ABR: variants seen among roughly 807,000 people sequenced by gnomAD.
The protein encoded by ABR is ABR activator of RhoGEF and GTPase.
A neutral mutation model predicts 107.2 loss-of-function variants in ABR; 35 were observed. The ratio of observed to expected loss-of-function variants is 0.33; its 90% CI spans 0.25 to 0.43. The LOEUF (loss-of-function observed/expected upper bound fraction) is 0.43. ABR is among the 20% of genes least tolerant of loss of function. The pLI is 1.00. For missense variants in ABR, 815 were observed against 1,115.2 expected (o/e 0.73, Z 3.83); for synonymous variants, 498 against 462.0 (o/e 1.08, Z -1.00).
chr17:1,126,094 C>A (rs1222724360), intron 1 of ABR, among the ~76,000 whole-genome samples: 1 of 152,194 alleles, frequency 6.6e-6, no homozygotes, highest in Non-Finnish European at 1.5e-5. Context: ...CCCCCCAGGG[C>A]TGCCAGCACC....
intron 1 of ABR, among the ~76,000 whole-genome samples, chr17:1,143,012 A>G (rs1381511016): frequency 1.2e-3 from 60 of 49,898 alleles, no homozygotes; most frequent in South Asian, 2.1e-3. Context: ...ATTCCTGGGG[A>G]CAGCTCGCTC....
intron 2 of ABR, among the ~76,000 whole-genome samples, chr17:1,101,494 C>A (rs371468582): frequency 2.0e-5 from 3 of 152,314 alleles, no homozygotes; most frequent in South Asian, 4.1e-4. Context: ...GCCTGTCCCA[C>A]ACACCAGAGC....
At chr17:1,159,605 A>G (rs1273014940) in intron 1 of ABR, among the ~76,000 whole-genome samples, 26 of 115,894 alleles carry the variant, frequency 2.2e-4, no homozygotes, top group African/African-American at 3.4e-4. Context: ...CACACACATG[A>G]GAAGTAAGAA....
chr17:1,146,558 C>G (rs1476165742), intron 1 of ABR, among the ~76,000 whole-genome samples: 2 of 152,202 alleles, frequency 1.3e-5, no homozygotes, highest in Admixed American at 6.5e-5. Context: ...AAGTCAGTTA[C>G]ACCCAAGTCC....
At chr17:1,057,223 G>T in intron 12 of ABR, 121 bp from the exon 13 acceptor site, 1 of 657,520 alleles carries the variant, frequency 1.5e-6, no homozygotes. Flanking sequence ...GTCCTTGCGA[G>T]GGAGGGGGAA....
Position 1,070,128 on chromosome 17 carries a change from G to T in ABR, c.895-38C>A, listed in dbSNP as rs1324091514. The T allele has an allele frequency of 1.2e-6, 2 of 1,611,610 alleles. No homozygotes were observed. The highest frequency in any genetic ancestry group is 4.5e-5 in the East Asian group (2 of 44,774). ...GCAGACCCCCCAGCCTGCTCAGAGG[G>T]GAATGCGGCCGAGGGCAGAGCCTGC... On this transcript the variant is annotated intron_variant, in intron 8 of 22. Transcript: ENST00000302538. The surrounding 1 kb of genome is among the most constrained non-coding windows in gnomAD (Gnocchi z 4.2).
At chr17:1,226,072 C>G (rs2043207976) in intron 1 of ABR, among the ~76,000 whole-genome samples, 2 of 152,108 alleles carry the variant, frequency 1.3e-5, no homozygotes, top group African/African-American at 2.4e-5. Context: ...AGAGAAAAAC[C>G]CCTGCCTGCC....
rs551537842 is a variant in ABR at position 1,108,904 on chromosome 17, C to CCG, written c.247-8170_247-8169insCG. 3.4e-4 allele frequency: 534 copies of CCG among 1,564,116 alleles called. 2 individuals carry two copies. In the African/African-American group the frequency reaches 7.0e-3, roughly 20 times the overall value. ...CTTCGGCAGCGCCGGCCCGGCCCCC[C>CCG]CCAGCGCCCAGGGCGTGTCACGCTC... On this transcript the variant is annotated intron_variant, in intron 2 of 22. Transcript: ENST00000302538.
intron 6 of ABR, 192 bp downstream of exon 6, chr17:1,079,138 C>T: frequency 2.1e-6 from 3 of 1,437,216 alleles, no homozygotes; most frequent in Non-Finnish European, 2.7e-6. Flanking sequence ...GCTGCCTGGG[C>T]ACGAGGCTAG....
intron 1 of ABR, among the ~76,000 whole-genome samples, chr17:1,128,337 C>T (rs1029817346): frequency 2.0e-5 from 3 of 152,204 alleles, no homozygotes; most frequent in South Asian, 2.1e-4. Flanking sequence ...GAGCAGACAG[C>T]GGCTTGGGCA....
Position 1,011,204 on chromosome 17 carries a change from A to C in ABR, c.2102-341T>G, listed in dbSNP as rs2070508015. The C allele has an allele frequency of 9.5e-6, 3 of 316,750 alleles. No homozygotes were observed. In the South Asian group the frequency reaches 1.0e-4, roughly 11 times the overall value. 19.6% of individuals were successfully genotyped at this position (316,750 alleles called of 1,614,324 possible). A position where few individuals can be genotyped will look rare whatever the true frequency, so the allele number is the denominator to read the frequency against. ...CTCCATCGCTAAGCCCCTCTCTGGA[A>C]GGCATTGCACACTTTTCACACGTAA... On this transcript the variant is annotated intron_variant, in intron 19 of 22. Transcript: ENST00000302538. This position sits in a 1 kb window ranked among gnomAD's most constrained non-coding sequence, Gnocchi z 4.8.
rs374118537 is a variant in ABR, at chr17:1,006,179, G to A, written c.2491-10C>T. Reference sequence around the variant, plus strand: ...AGAGGAGGACCTGGACCTGTGGGGAGACAGGAAGGCGGAGGCTGGGCTCCC... The same window carrying A: ...AGAGGAGGACCTGGACCTGTGGGGAAACAGGAAGGCGGAGGCTGGGCTCCC... On this transcript the variant is annotated splice_polypyrimidine_tract_variant and intron_variant, in intron 22 of 22. Transcript: ENST00000302538. 280 of 1,566,162 alleles carry A rather than the reference G, an allele frequency of 1.8e-4. 1 individual carries two copies. The highest frequency in any genetic ancestry group is 2.3e-4 in the Admixed American group (12 of 53,022).
Position 1,097,132 on chromosome 17 carries a change from G to A in ABR, c.345+3505C>T, listed in dbSNP as rs140098309. The stretch of plus-strand genomic sequence containing the variant: ...GGTCTTGGCCCAGAGGAAGAGGCTC[G>A]TGGGTGGCAGGTGGGATCTAAGGGC... On this transcript the variant is annotated intron_variant, in intron 3 of 22. Transcript: ENST00000302538. Among the ~76,000 whole-genome samples the A allele has an allele frequency of 1.2e-3, 177 of 152,292 alleles. 1 individual carries two copies. The highest frequency in any genetic ancestry group is 3.4e-3 in the African/African-American group (141 of 41,546).
chr17:1,093,606 A>G (rs1217186458), intron 3 of ABR, among the ~76,000 whole-genome samples: 1 of 152,094 alleles, frequency 6.6e-6, no homozygotes, highest in Admixed American at 6.6e-5. Flanking sequence ...CCGACAAGAG[A>G]AGCATTCTAG....
At chr17:1,195,250 T>G in intron 1 of ABR, among the ~76,000 whole-genome samples, 1 of 132,660 alleles carries the variant, frequency 7.5e-6, no homozygotes, top group South Asian at 2.7e-4. Context: ...GAGCTTGCAG[T>G]GAGCGGAGAT....
chr17:1,135,015 A>G (rs1449197777), intron 1 of ABR, among the ~76,000 whole-genome samples: 3 of 152,232 alleles, frequency 2.0e-5, no homozygotes, highest in African/African-American at 7.2e-5. Flanking sequence ...CTCAGCTGCT[A>G]TTATTACTGT....
chr17:1,148,723 G>T lies in ABR; in HGVS notation c.62-23356C>A, dbSNP rs559325512. ...TGGAAAAAGTGTCTTCCACGAAGCC[G>T]GTCCCTGGTGCGCTGGTTTCACAGA... On this transcript the variant is annotated intron_variant, in intron 1 of 22. Transcript: ENST00000302538. This position sits in a 1 kb window ranked among gnomAD's most constrained non-coding sequence, Gnocchi z 4.9. Among the ~76,000 whole-genome samples the T allele has an allele frequency of 2.5e-3, 375 of 152,290 alleles. 1 individual carries two copies. Among genetic ancestry groups the T allele is most frequent in the African/African-American group, 8.3e-3 (345 of 41,564 alleles).
At chr17:1,020,130 C>A (rs547659546) in intron 16 of ABR, among the ~76,000 whole-genome samples, 2 of 152,292 alleles carry the variant, frequency 1.3e-5, no homozygotes, top group Admixed American at 1.3e-4. Flanking sequence ...GTCGCCCAGG[C>A]TGGAGTGCAG....
chr17:1,021,233 C>T (rs554609502), intron 16 of ABR, among the ~76,000 whole-genome samples: 17 of 152,296 alleles, frequency 1.1e-4, no homozygotes, highest in East Asian at 3.9e-4. Context: ...GCTCACTGGA[C>T]GACGGGAATC....
Sources: allele counts gnomAD v4.1 joint callset (sites outside exome capture counted in the v4.1 genomes callset), GRCh38; gene constraint gnomAD v4.1.1; non-coding constraint Gnocchi (gnomAD v3.1); transcripts MANE v1.5; gene names NCBI Gene and HGNC (gene_info 2026-07-23, HGNC 2026-07-21).